ULK4: variants seen among roughly 807,000 people sequenced by gnomAD.
The protein encoded by ULK4 is unc-51 like kinase 4.
Under a neutral mutation model 160.6 loss-of-function variants are expected in ULK4, and 133 were observed. The ratio of observed to expected loss-of-function variants is 0.83; its 90% CI spans 0.72 to 0.96. The LOEUF (loss-of-function observed/expected upper bound fraction) is 0.96. Ranked by LOEUF, ULK4 falls within the 40% of genes least tolerant of loss-of-function variation. The probability of loss-of-function intolerance (pLI) is 0.00; values close to 1 mark genes in which losing one functional copy is unlikely to be tolerated. For missense variants in ULK4, 1,580 were observed against 1,499.5 expected, an observed-to-expected ratio of 1.05 and a Z score of -0.89; for synonymous variants, 534 against 539.8, an observed-to-expected ratio of 0.99 and a Z score of 0.15.
intron 1 of ULK4, among the ~76,000 whole-genome samples, chr3:41,960,063 G>A (rs79060493): frequency 0.047 from 6,993 of 150,122 alleles, 491 homozygotes; most frequent in African/African-American, 0.16. Flanking sequence ...TTTTTTAAAG[G>A]AGGCTAGGTC....
rs372285639 is a variant in ULK4, at chr3:41,463,089, G to T, written c.3391C>A (p.Gln1131Lys). ...ACACAGGAAAACAGATCCTCTACCTGCAAAGCCAGCCGTACAATACCGGAG... is the reference window on the plus strand; with the variant it reads ...ACACAGGAAAACAGATCCTCTACCTTCAAAGCCAGCCGTACAATACCGGAG... Reference protein sequence around the residue: ...YTSGIVRLALQAQKSGSGEDP... With the variant: ...YTSGIVRLALKAQKSGSGEDP... Residue 1131 changes from glutamine to lysine, a missense_variant and splice_region_variant, in exon 33 of 37, where the codon CAG becomes AAG. Physicochemically the swap from Gln to Lys is moderately conservative, Grantham distance 53 (BLOSUM62 1). Transcript: ENST00000301831. 7.4e-6 allele frequency: 12 copies of T among 1,612,452 alleles called. No homozygotes were observed. In the African/African-American group the frequency reaches 1.1e-4, roughly 14 times the overall value.
intron 14 of ULK4, 106 bp downstream of exon 14, chr3:41,898,321 TCAAGA>T: frequency 1.5e-6 from 1 of 688,730 alleles, no homozygotes; most frequent in Non-Finnish European, 2.4e-6. Flanking sequence ...TAGCCAATTG[TCAAGA>T]CAAAATAAAT....
intron 20 of ULK4, among the ~76,000 whole-genome samples, chr3:41,795,438 T>C (rs984596872): frequency 6.6e-6 from 1 of 152,166 alleles, no homozygotes; most frequent in Non-Finnish European, 1.5e-5. Flanking sequence ...TAGGGCAGGA[T>C]GCTCCCTCTT....
At chr3:41,323,537 G>T (rs564070697) in intron 35 of ULK4, among the ~76,000 whole-genome samples, 1 of 151,944 alleles carries the variant, frequency 6.6e-6, no homozygotes, top group African/African-American at 2.4e-5. Flanking sequence ...GCTAATTAGG[G>T]TTTATACTAC....
At chr3:41,326,451 C>CATATATATATATATAT (rs10660377) in intron 35 of ULK4, among the ~76,000 whole-genome samples, 18 of 146,638 alleles carry the variant, frequency 1.2e-4, no homozygotes, top group African/African-American at 4.5e-4. Flanking sequence ...TGCATATATA[C>CATATATATATATATAT]ATATATATAT....
chr3:41,489,654 T>C (rs536431000), intron 32 of ULK4, among the ~76,000 whole-genome samples: 3 of 152,200 alleles, frequency 2.0e-5, no homozygotes, highest in East Asian at 1.9e-4. Flanking sequence ...CTTTCCTGTA[T>C]AGGAAATGTA....
At chr3:41,578,918 AGGT>A (rs1245981643) in intron 31 of ULK4, among the ~76,000 whole-genome samples, 1 of 152,232 alleles carries the variant, frequency 6.6e-6, no homozygotes, top group Non-Finnish European at 1.5e-5. Flanking sequence ...CAGTCAAGCT[AGGT>A]TGAGAGTTTC....
intron 32 of ULK4, among the ~76,000 whole-genome samples, chr3:41,531,258 G>T (rs1370363018): frequency 6.6e-6 from 1 of 150,838 alleles, no homozygotes; most frequent in Non-Finnish European, 1.5e-5. Flanking sequence ...TGGCTAACAT[G>T]GTGAAACCCT....
chr3:41,548,152 C>T (rs765410565), intron 32 of ULK4, among the ~76,000 whole-genome samples: 39 of 152,164 alleles, frequency 2.6e-4, no homozygotes, highest in South Asian at 1.9e-3. Context: ...TGCCTTGCTC[C>T]ACCCACCATA....
At chr3:41,641,803 T>A (rs1381576948) in intron 30 of ULK4, among the ~76,000 whole-genome samples, 1 of 150,770 alleles carries the variant, frequency 6.6e-6, no homozygotes. Flanking sequence ...GAAGAGTAAT[T>A]GTTTCCTAAT....
chr3:41,532,245 C>A, intron 32 of ULK4, among the ~76,000 whole-genome samples: 1 of 152,204 alleles, frequency 6.6e-6, no homozygotes, highest in East Asian at 1.9e-4. Context: ...TGCGCCCACT[C>A]TGAGCTTTTG....
chr3:41,855,218 G>A (rs1214726512), intron 17 of ULK4, among the ~76,000 whole-genome samples: 1 of 137,604 alleles, frequency 7.3e-6, no homozygotes, highest in East Asian at 1.9e-4. Flanking sequence ...ACGACTCTTA[G>A]CAACTATACT....
intron 30 of ULK4, among the ~76,000 whole-genome samples, chr3:41,617,068 C>A (rs2125684756): frequency 6.6e-6 from 1 of 152,308 alleles, no homozygotes; most frequent in Admixed American, 6.5e-5. Flanking sequence ...CCTCACTGGG[C>A]AGGGCATCTC....
At chr3:41,702,946 C>T (rs953216293) in intron 27 of ULK4, among the ~76,000 whole-genome samples, 5 of 151,554 alleles carry the variant, frequency 3.3e-5, no homozygotes, top group Non-Finnish European at 1.5e-5. Context: ...CTCCGCCTCC[C>T]AGGTTCAAGC....
At chr3:41,796,754 A>T (rs1411326302) in intron 20 of ULK4, among the ~76,000 whole-genome samples, 2 of 152,222 alleles carry the variant, frequency 1.3e-5, no homozygotes, top group African/African-American at 4.8e-5. Flanking sequence ...AGCTTTGAAT[A>T]GTGAGAAGCA....
intron 31 of ULK4, among the ~76,000 whole-genome samples, chr3:41,589,306 G>A (rs979993146): frequency 6.6e-6 from 1 of 151,804 alleles, no homozygotes; most frequent in Non-Finnish European, 1.5e-5. Flanking sequence ...GTTTGAGGTG[G>A]TAGAATTCCA....
In ULK4 at chr3:41,376,109, C is replaced by T. The variant is rs527850526; in HGVS notation, c.3678+21970G>A. On this transcript the variant is annotated intron_variant, in intron 35 of 36. Coordinates refer to ENST00000301831, the MANE Select transcript of ULK4 (RefSeq NM_017886.4). The stretch of plus-strand genomic sequence containing the variant: ...TACCATCTCAAGCCAGTTAGAATGG[C>T]AATCATTAAAAAGTCAGAAAACAAC... 5.3e-5 allele frequency among the ~76,000 whole-genome samples: 8 copies of T among 150,334 alleles called. 1 individual carries two copies. The South Asian group carries it at 1.5e-3, about 29-fold the overall frequency.
chr3:41,552,325 C>T (rs1468222000), intron 32 of ULK4, among the ~76,000 whole-genome samples: 3 of 151,992 alleles, frequency 2.0e-5, no homozygotes, highest in African/African-American at 7.2e-5. Context: ...CGAATTGTCC[C>T]TCTTTGCTAA....
chr3:41,428,300 CATGGAT>C (rs2082823866), intron 34 of ULK4, among the ~76,000 whole-genome samples: 1 of 152,272 alleles, frequency 6.6e-6, no homozygotes, highest in African/African-American at 2.4e-5. Context: ...ATTCCATGCT[CATGGAT>C]ATGAAGAATA....
Sources: gnomAD v4.1 joint callset for allele counts (sites outside exome capture counted in the v4.1 genomes callset) on GRCh38, gnomAD v4.1.1 for gene constraint, MANE v1.5 for transcripts, NCBI Gene and HGNC (gene_info 2026-07-23, HGNC 2026-07-21) for gene names.